The following DPYD variants were observed in gnomAD, a reference collection of about 807,000 sequenced individuals.
DPYD encodes the protein dihydropyrimidine dehydrogenase.
In DPYD, 109 loss-of-function variants were observed where a neutral mutation model predicts 116.2. That is an observed-to-expected ratio of 0.94 (90% confidence interval 0.80 to 1.10). DPYD has a LOEUF of 1.10. Among genes scored for constraint, DPYD ranks in the 50% least tolerant of loss-of-function variants. The pLI is 0.00. For missense variants in DPYD, 1,302 were observed against 1,254.5 expected (o/e 1.04, Z -0.57); for synonymous variants, 440 against 432.0 (o/e 1.02, Z -0.23).
At chr1:97,438,596 A>G (rs1412321714) in intron 14 of DPYD, among the ~76,000 whole-genome samples, 1 of 152,072 alleles carries the variant, frequency 6.6e-6, no homozygotes, top group Admixed American at 6.5e-5. Flanking sequence ...TACCTAAAGT[A>G]TTCTGACAGG....
At chr1:97,288,888 G>C (rs924353339) in intron 18 of DPYD, among the ~76,000 whole-genome samples, 2 of 151,982 alleles carry the variant, frequency 1.3e-5, no homozygotes, top group African/African-American at 2.4e-5. Flanking sequence ...AAAAATTAAT[G>C]AATCCAGGAT....
intron 2 of DPYD, among the ~76,000 whole-genome samples, chr1:97,868,179 A>G (rs1671483456): frequency 6.6e-6 from 1 of 151,808 alleles, no homozygotes; most frequent in Admixed American, 6.6e-5. Context: ...TAAACTATTT[A>G]TATCATGAAA....
At chr1:97,469,495 C>A (rs946362846) in intron 13 of DPYD, among the ~76,000 whole-genome samples, 14 of 139,730 alleles carry the variant, frequency 1.0e-4, no homozygotes, top group African/African-American at 3.5e-4. Context: ...TTTTAAAAAA[C>A]AGTTCTAATA....
At chr1:97,804,577 C>T (rs1667994040) in intron 3 of DPYD, among the ~76,000 whole-genome samples, 2 of 151,818 alleles carry the variant, frequency 1.3e-5, no homozygotes, top group Non-Finnish European at 2.9e-5. Flanking sequence ...TATCTTCCTA[C>T]ACCAAAGTCA....
intron 13 of DPYD, among the ~76,000 whole-genome samples, chr1:97,501,876 A>C (rs1007436781): frequency 1.3e-5 from 2 of 152,058 alleles, no homozygotes; most frequent in Non-Finnish European, 2.9e-5. Flanking sequence ...CATGATTTTA[A>C]CATTTAAATT....
Position 97,722,763 on chromosome 1 carries a change from A to T in DPYD, c.322-1092T>A, listed in dbSNP as rs117712062. ...GAACAATGACATTTACTATTTATTG[A>T]CTCTTTAATATATCCCCAGCACTTT... On this transcript the variant is annotated intron_variant, in intron 4 of 22. Transcript: ENST00000370192. Among the ~76,000 whole-genome samples the T allele has an allele frequency of 4.6e-4, 70 of 151,490 alleles. 2 individuals are homozygous for T. The East Asian group carries it at 0.013, about 29-fold the overall frequency.
intron 5 of DPYD, among the ~76,000 whole-genome samples, chr1:97,715,913 G>A (rs1053308303): frequency 2.0e-5 from 3 of 152,016 alleles, no homozygotes; most frequent in Non-Finnish European, 2.9e-5. Context: ...TCCTAAAATA[G>A]AGTTGTAGAA....
chr1:97,096,846 G>C (rs1022372620), intron 21 of DPYD, among the ~76,000 whole-genome samples: 1 of 152,030 alleles, frequency 6.6e-6, no homozygotes, highest in Non-Finnish European at 1.5e-5. Context: ...TTGTTCTTTC[G>C]CTCTTCGGAA....
chr1:97,898,132 T>C lies in DPYD; in HGVS notation c.40-14758A>G, dbSNP rs116443482. ...TGAATACCCAATGTCGTATGAATCA[T>C]GAAGTTTTCCAGTCTGGCTGGTGGG... On this transcript the variant is annotated intron_variant, in intron 1 of 22. Coordinates refer to ENST00000370192, the MANE Select transcript of DPYD (RefSeq NM_000110.4). Among the ~76,000 whole-genome samples, 829 of 135,382 alleles carry C rather than the reference T, an allele frequency of 6.1e-3. 8 individuals are homozygous for C. The highest frequency in any genetic ancestry group is 0.018 in the African/African-American group (738 of 40,084). The allele number at this position is 135,382 out of a possible 152,430, so 88.8% of individuals were successfully genotyped here.
At chr1:97,083,422 T>C (rs1207380005) in intron 21 of DPYD, among the ~76,000 whole-genome samples, 1 of 152,120 alleles carries the variant, frequency 6.6e-6, no homozygotes, top group East Asian at 1.9e-4. Flanking sequence ...TACTCTTCTT[T>C]ACTTTTTTTT....
chr1:97,421,634 A>G (rs1674589590), intron 14 of DPYD, among the ~76,000 whole-genome samples: 1 of 152,166 alleles, frequency 6.6e-6, no homozygotes, highest in Non-Finnish European at 1.5e-5. Context: ...AGTTTGGGAC[A>G]CAGCTGCTTA....
chr1:97,362,448 A>C (rs1034859450), intron 16 of DPYD, among the ~76,000 whole-genome samples: 1 of 152,190 alleles, frequency 6.6e-6, no homozygotes, highest in Non-Finnish European at 1.5e-5. Flanking sequence ...ATTGGAAAAA[A>C]CTACTTTAAA....
chr1:97,530,507 G>A (rs1457574330), intron 12 of DPYD, among the ~76,000 whole-genome samples: 3 of 152,056 alleles, frequency 2.0e-5, no homozygotes, highest in Admixed American at 6.6e-5. Context: ...GTGAGCCACC[G>A]CGCCTGGCCA....
intron 13 of DPYD, among the ~76,000 whole-genome samples, chr1:97,503,120 CTTGT>C (rs920628968): frequency 1.4e-4 from 22 of 151,998 alleles, no homozygotes; most frequent in Non-Finnish European, 2.2e-4. Flanking sequence ...TGCATGCAAG[CTTGT>C]TTTTCTCTTT....
At chr1:97,251,554 T>C (rs956254713) in intron 18 of DPYD, among the ~76,000 whole-genome samples, 9 of 152,108 alleles carry the variant, frequency 5.9e-5, no homozygotes, top group Non-Finnish European at 7.4e-5. Context: ...TTTATGGTGG[T>C]GTTGCTCTTG....
At chr1:97,776,594 C>T (rs1282893292) in intron 3 of DPYD, among the ~76,000 whole-genome samples, 1 of 152,114 alleles carries the variant, frequency 6.6e-6, no homozygotes, top group African/African-American at 2.4e-5. Context: ...TCAACATCTG[C>T]CTGCATGTAG....
At chr1:97,569,752 T>C (rs568961008) in intron 11 of DPYD, among the ~76,000 whole-genome samples, 14 of 152,108 alleles carry the variant, frequency 9.2e-5, no homozygotes, top group African/African-American at 2.9e-4. Context: ...TTGGACACCA[T>C]TGCCTTTAAA....
intron 8 of DPYD, among the ~76,000 whole-genome samples, chr1:97,668,206 T>A (rs1007663475): frequency 3.9e-5 from 6 of 152,158 alleles, no homozygotes; most frequent in African/African-American, 7.2e-5. Flanking sequence ...ATTTAAAATA[T>A]TTTTTAAGAA....
At chr1:97,886,278 G>A (rs1183264321) in intron 1 of DPYD, among the ~76,000 whole-genome samples, 2 of 152,022 alleles carry the variant, frequency 1.3e-5, no homozygotes, top group African/African-American at 4.8e-5. Context: ...TCCCAGAGAG[G>A]GGTAAGATGC....
Sources: gnomAD v4.1 joint callset for allele counts (sites outside exome capture counted in the v4.1 genomes callset) on GRCh38, gnomAD v4.1.1 for gene constraint, MANE v1.5 for transcripts, NCBI Gene and HGNC (gene_info 2026-07-23, HGNC 2026-07-21) for gene names.